The following IPO7 variants were observed in gnomAD, a reference collection of about 807,000 sequenced individuals.
IPO7 encodes the protein importin 7.
Under a neutral mutation model 136.4 loss-of-function variants are expected in IPO7, and 13 were observed. The ratio of observed to expected loss-of-function variants is 0.10; its 90% CI spans 0.06 to 0.15. The LOEUF is 0.15. Among genes scored for constraint, IPO7 ranks in the 10% least tolerant of loss-of-function variants. The pLI, the probability that IPO7 is intolerant of heterozygous loss-of-function variation, is 1.00. For synonymous variants in IPO7, 403 were observed against 404.4 expected (o/e 1.00, Z 0.04); for missense variants, 857 against 1,240.6 (o/e 0.69, Z 4.65).
chr11:9,397,341 A>AAATATATAT, intron 1 of IPO7, among the ~76,000 whole-genome samples: 5 of 10,762 alleles, frequency 4.6e-4, no homozygotes, highest in Non-Finnish European at 5.5e-4. Context: ...TTTAAAAAAA[A>AAATATATAT]ATATATATAT....
In IPO7 at chr11:9,447,685, G is replaced by T. The variant is rs897380477; in HGVS notation, c.*2491G>T. ...TAGAAGTTAATTCTGATTTTGTGTG[G>T]ATTTCAGTATTTGTCTTTGTTAATG... On this transcript the variant is annotated 3_prime_UTR_variant, in exon 25 of 25. Transcript: ENST00000379719. 1 of 151,720 alleles carries T rather than the reference G, an allele frequency of 6.6e-6. No homozygotes were observed. The highest frequency in any genetic ancestry group is 2.4e-5 in the African/African-American group (1 of 41,288). 9.4% of individuals were successfully genotyped at this position (151,720 alleles called of 1,614,324 possible).
intron 6 of IPO7, 170 bp from the exon 7 acceptor site, chr11:9,420,241 C>T (rs554476163): frequency 3.3e-5 from 17 of 521,092 alleles, no homozygotes; most frequent in Admixed American, 2.5e-4. Flanking sequence ...TGTGTGAACT[C>T]GGGAGGCGGA....
chr11:9,437,321 G>C (rs996344202), intron 20 of IPO7, among the ~76,000 whole-genome samples: 1 of 151,478 alleles, frequency 6.6e-6, no homozygotes, highest in African/African-American at 2.4e-5. Context: ...GCAGTGGCGC[G>C]ATCTCAGCTC....
chr11:9,392,535 A>G (rs1854650911), intron 1 of IPO7, among the ~76,000 whole-genome samples: 1 of 152,148 alleles, frequency 6.6e-6, no homozygotes, highest in Admixed American at 6.6e-5. Context: ...GGTTGTATTT[A>G]ATGTAAAAAT....
chr11:9,413,557 C>G (rs926772321), intron 4 of IPO7, among the ~76,000 whole-genome samples: 7 of 151,818 alleles, frequency 4.6e-5, no homozygotes, highest in African/African-American at 1.7e-4. Context: ...GGTCAATAAC[C>G]TATTCCAGTT....
At chr11:9,410,162 G>T (rs1590435187) in intron 4 of IPO7, 76 bp downstream of exon 4, 1 of 980,984 alleles carries the variant, frequency 1.0e-6, no homozygotes, top group East Asian at 2.8e-5. Context: ...ATTTGAACAT[G>T]TAAAATTATA....
At chr11:9,412,510 T>C (rs1025796916) in intron 4 of IPO7, among the ~76,000 whole-genome samples, 1 of 152,206 alleles carries the variant, frequency 6.6e-6, no homozygotes, top group Non-Finnish European at 1.5e-5. Context: ...AGTCTGCCTA[T>C]TGACTCCTTA....
chr11:9,393,672 C>T (rs1027425404), intron 1 of IPO7, among the ~76,000 whole-genome samples: 2 of 152,044 alleles, frequency 1.3e-5, no homozygotes, highest in East Asian at 3.9e-4. Flanking sequence ...CGTGAGCCAC[C>T]ACACCAGGCC....
Position 9,445,001 on chromosome 11 carries a change from T to TTA in IPO7, c.3020-96_3020-95insTA, listed in dbSNP as rs1855509360. On this transcript the variant is annotated intron_variant, in intron 24 of 24. Coordinates refer to ENST00000379719, the MANE Select transcript of IPO7 (RefSeq NM_006391.3). ...GATTTTGGAACTTCCTGGCCACTAA[T>TTA]GATGGTTAAGCTACTGGCTTGTTTA... The TTA allele has an allele frequency of 5.2e-6, 4 of 768,854 alleles. No individual in the cohort carries two copies. In the African/African-American group the frequency reaches 6.9e-5, roughly 13 times the overall value. The allele number at this position is 768,854 out of a possible 1,614,324, so 47.6% of individuals were successfully genotyped here. A position where few individuals can be genotyped will look rare whatever the true frequency, so the allele number is the denominator to read the frequency against.
chr11:9,425,975 G>C (rs1235756672), intron 12 of IPO7, among the ~76,000 whole-genome samples: 1 of 152,002 alleles, frequency 6.6e-6, no homozygotes, highest in Non-Finnish European at 1.5e-5. Flanking sequence ...GAACTTGGGA[G>C]GCGGAGGCTG....
At position 9,433,773 on chromosome 11, in the gene IPO7, G is replaced by A. The variant is rs1308697322; in HGVS notation, c.2001G>A (p.Val667=). 1 of 1,611,674 alleles carries A rather than the reference G, an allele frequency of 6.2e-7. No individual in the cohort carries two copies. The highest frequency in any genetic ancestry group is 1.1e-5 in the South Asian group (1 of 90,992). Residue 667 remains valine (V), a synonymous_variant, in exon 18 of 25, where the codon GTG becomes GTA. Coordinates refer to ENST00000379719, the MANE Select transcript of IPO7 (RefSeq NM_006391.3). ...SLAHSLTCQQ[V]SPQMWQLLPL... ...CGCACAGTTTGACATGTCAACAAGT[G>A]TCTCCACAGATGTGGCAGCTACTAC...
At chr11:9,415,652 C>T (rs961064413) in intron 5 of IPO7, among the ~76,000 whole-genome samples, 1 of 152,058 alleles carries the variant, frequency 6.6e-6, no homozygotes, top group Non-Finnish European at 1.5e-5. Flanking sequence ...TCCTGGCTAA[C>T]ATGGTGAAAC....
At chr11:9,444,948 C>T (rs1855508836) in intron 24 of IPO7, 149 bp from the exon 25 acceptor site, 2 of 614,354 alleles carry the variant, frequency 3.3e-6, no homozygotes, top group South Asian at 2.0e-5. Context: ...TGCATGCTCC[C>T]TTGCCCTTAT....
chr11:9,401,157 G>T (rs1308596397), intron 1 of IPO7, among the ~76,000 whole-genome samples: 2 of 151,712 alleles, frequency 1.3e-5, no homozygotes, highest in Non-Finnish European at 2.9e-5. Context: ...CTCCAGCTTG[G>T]GCGAGAAGAG....
At chr11:9,407,043 AT>A (rs1590433349) in intron 2 of IPO7, among the ~76,000 whole-genome samples, 1 of 152,196 alleles carries the variant, frequency 6.6e-6, no homozygotes, top group Non-Finnish European at 1.5e-5. Context: ...GCAATTCCAA[AT>A]TCTGTATTGT....
rs768262775 is a variant in IPO7 at position 9,440,555 on chromosome 11, GGAA to G, written c.2802_2804del (p.Glu934del). The G allele has an allele frequency of 4.3e-6, 7 of 1,613,858 alleles. No homozygotes were observed. Among genetic ancestry groups the G allele is most frequent in the Non-Finnish European group, 5.9e-6 (7 of 1,179,886 alleles). On this transcript the variant is annotated inframe_deletion, in exon 23 of 25. Transcript: ENST00000379719. ...GTGAAGATGGAGATGATGAAGATTG[GGAA>G]GAAGATGATGCTGAAGAGACTGCTC...
rs575617718 is a variant in IPO7, at chr11:9,416,623, T to C, written c.637-436T>C. 7.0e-4 allele frequency among the ~76,000 whole-genome samples: 107 copies of C among 152,304 alleles called. 1 individual carries two copies. Among genetic ancestry groups the C allele is most frequent in the African/African-American group, 2.5e-3 (103 of 41,586 alleles). ...AGGATTTATCCCAGGAATACAAGAA[T>C]GGATCAACAGTAAGAAATTAGTTTT... is the stretch of plus-strand genomic sequence containing the variant. On this transcript the variant is annotated intron_variant, in intron 5 of 24. Transcript: ENST00000379719.
chr11:9,384,911 C>G (rs1274584535), intron 1 of IPO7, 64 bp downstream of exon 1: 1 of 1,333,540 alleles, frequency 7.5e-7, no homozygotes, highest in Non-Finnish European at 1.0e-6. Flanking sequence ...AGGCCGAGCC[C>G]CCGGGGCCTG....
At chr11:9,438,798 G>A (rs889040418) in intron 22 of IPO7, among the ~76,000 whole-genome samples, 20 of 152,150 alleles carry the variant, frequency 1.3e-4, no homozygotes, top group African/African-American at 4.8e-4. Context: ...ATTATAGTAT[G>A]CAACCAACAA....
Sources: gnomAD v4.1 joint callset for allele counts (sites outside exome capture counted in the v4.1 genomes callset) on GRCh38, gnomAD v4.1.1 for gene constraint, MANE v1.5 for transcripts, NCBI Gene and HGNC (gene_info 2026-07-23, HGNC 2026-07-21) for gene names.